BNIP5: variants seen among roughly 807,000 people sequenced by gnomAD.
The protein encoded by BNIP5 is protein BNIP5.
Under a neutral mutation model 67.3 loss-of-function variants are expected in BNIP5, and 61 were observed. The ratio of observed to expected loss-of-function variants is 0.91; its 90% CI spans 0.74 to 1.12. The LOEUF (loss-of-function observed/expected upper bound fraction) is 1.12. Among genes scored for constraint, BNIP5 ranks in the 50% most tolerant of loss-of-function variants. The pLI is 0.00. For missense variants in BNIP5, 826 were observed against 816.3 expected (o/e 1.01, Z -0.14); for synonymous variants, 317 against 319.0 (o/e 0.99, Z 0.07).
intron 5 of BNIP5, among the ~76,000 whole-genome samples, chr6:36,326,104 G>A (rs542657157): frequency 1.5e-4 from 23 of 152,322 alleles, no homozygotes; most frequent in Non-Finnish European, 2.9e-4. Flanking sequence ...CACTTTACAG[G>A]TGAAGAAATT....
chr6:36,324,354 T>C (rs1250621742), intron 6 of BNIP5, among the ~76,000 whole-genome samples, 164 bp from the exon 7 acceptor site: 1 of 151,120 alleles, frequency 6.6e-6, no homozygotes, highest in Admixed American at 6.6e-5. Flanking sequence ...GGGATACATA[T>C]TCACTTTACC....
In BNIP5 at chr6:36,323,640, A is replaced by C. The variant is rs77939165; in HGVS notation, c.1231-107T>G. The C allele has an allele frequency of 5.2e-5, 66 of 1,277,752 alleles. No individual in the cohort carries two copies. In the East Asian group the frequency reaches 1.5e-3, roughly 29 times the overall value. The allele number at this position is 1,277,752 out of a possible 1,614,324, so 79.2% of individuals were successfully genotyped here. A position where few individuals can be genotyped will look rare whatever the true frequency, so the allele number is the denominator to read the frequency against. On this transcript the variant is annotated intron_variant, in intron 7 of 11. Transcript: ENST00000437635. ...TGGGCTAGCAGGCGTTGCCCAGAGA[A>C]GAGTGGTTGATGCTCAGTGCTGGGG...
chr6:36,324,329 C>T, intron 6 of BNIP5, 139 bp from the exon 7 acceptor site: 1 of 734,546 alleles, frequency 1.4e-6, no homozygotes, highest in Admixed American at 2.0e-5. Flanking sequence ...GGCCTGAGGG[C>T]AGAGCTGGTT....
intron 3 of BNIP5, 41 bp downstream of exon 3, chr6:36,328,557 C>G (rs1228830095): frequency 7.9e-7 from 1 of 1,266,092 alleles, no homozygotes; most frequent in African/African-American, 1.5e-5. Context: ...TAACAGCCAC[C>G]TCAGCCACAG....
intron 1 of BNIP5, 81 bp downstream of exon 1, chr6:36,336,627 ACACC>A (rs1243212994): frequency 6.6e-6 from 1 of 152,164 alleles, no homozygotes; most frequent in African/African-American, 2.4e-5. Context: ...TCTTGGTTTG[ACACC>A]CAGGACTAAA....
intron 11 of BNIP5, among the ~76,000 whole-genome samples, chr6:36,318,077 A>G (rs1035124873): frequency 1.3e-5 from 2 of 152,214 alleles, no homozygotes; most frequent in Non-Finnish European, 2.9e-5. Flanking sequence ...GAGCATTTGA[A>G]TGACAAGATA....
chr6:36,325,010 C>T (rs146509823), intron 6 of BNIP5, among the ~76,000 whole-genome samples: 247 of 152,238 alleles, frequency 1.6e-3, no homozygotes, highest in Non-Finnish European at 3.0e-3. Flanking sequence ...CCCCATTGGC[C>T]GAGCCCTTGG....
chr6:36,317,765 G>T (rs1771551919), intron 11 of BNIP5, among the ~76,000 whole-genome samples: 1 of 152,144 alleles, frequency 6.6e-6, no homozygotes, highest in Non-Finnish European at 1.5e-5. Context: ...ACAGCCCTTT[G>T]CACAACTAAG....
chr6:36,328,511 T>G, intron 3 of BNIP5, 87 bp downstream of exon 3: 1 of 815,054 alleles, frequency 1.2e-6, no homozygotes, highest in Non-Finnish European at 2.1e-6. Flanking sequence ...CCATCCAAGG[T>G]CTCAGTAATC....
chr6:36,324,274 G>T, intron 6 of BNIP5, 84 bp from the exon 7 acceptor site: 2 of 1,254,692 alleles, frequency 1.6e-6, no homozygotes, highest in South Asian at 1.2e-5. Context: ...TGCCCCGGTG[G>T]CTCCCTGGGT....
chr6:36,320,572 C>A (rs1185115721), intron 10 of BNIP5, among the ~76,000 whole-genome samples: 1 of 152,222 alleles, frequency 6.6e-6, no homozygotes, highest in African/African-American at 2.4e-5. Flanking sequence ...GCACCCAGAG[C>A]GTCCGCTATG....
intron 1 of BNIP5, among the ~76,000 whole-genome samples, chr6:36,332,302 G>T (rs1280584523): frequency 6.6e-6 from 1 of 151,956 alleles, no homozygotes; most frequent in East Asian, 1.9e-4. Flanking sequence ...TTCCTTTGAG[G>T]CTGTACTTAA....
In BNIP5 at chr6:36,323,474, C is replaced by T. The variant is rs765037885; in HGVS notation, c.1290G>A (p.Arg430=). The part of the protein sequence containing the change: ...GVENPAPHCR[R]KSQEKRSSFR... ...AGCTCGACCTTTTTTCTTGAGATTT[C>T]CTTCTGCAGTGTGGGGCCGGGTTTT... The change falls in exon 8 of 12, where the codon AGG becomes AGA. Residue 430 remains arginine, a synonymous_variant. Coordinates refer to ENST00000437635, the MANE Select transcript of BNIP5 (RefSeq NM_001010903.5). The T allele has an allele frequency of 1.5e-5, 25 of 1,614,218 alleles. No individual in the cohort carries two copies. Among genetic ancestry groups the T allele is most frequent in the Non-Finnish European group, 2.1e-5 (25 of 1,180,042 alleles).
At chr6:36,331,124 G>A (rs1771896724) in intron 1 of BNIP5, among the ~76,000 whole-genome samples, 1 of 152,212 alleles carries the variant, frequency 6.6e-6, no homozygotes, top group African/African-American at 2.4e-5. Flanking sequence ...GTGCTGACCA[G>A]TGGGCCCATT....
At position 36,319,380 on chromosome 6, in the gene BNIP5, C is replaced by A; in HGVS notation, c.1899G>T (p.Gln633His). 1 of 1,614,088 alleles carries A rather than the reference C, an allele frequency of 6.2e-7. No individual in the cohort carries two copies. The highest frequency in any genetic ancestry group is 8.5e-7 in the Non-Finnish European group (1 of 1,180,020). The change falls in exon 11 of 12, where the codon CAG (glutamine) becomes CAT (histidine). Residue 633 changes from glutamine to histidine, a missense_variant. By Grantham distance (24) the Gln-to-His change is conservative (BLOSUM62 0). Transcript: ENST00000437635. ...CCGGCTGGTCCTCCCTGTATGGGAA[C>A]TGGGTGCAATTGTAGTGGTCTCTTA... ...MGLRDHYNCT[Q>H]FPYREDQPNI...
At chr6:36,330,737 T>C in intron 1 of BNIP5, 43 bp from the exon 2 acceptor site, 2 of 1,511,276 alleles carry the variant, frequency 1.3e-6, no homozygotes, top group South Asian at 2.6e-5. Flanking sequence ...TTTGTTTGTT[T>C]GTTTTGATTT....
At chr6:36,331,541 T>C (rs1234379222) in intron 1 of BNIP5, among the ~76,000 whole-genome samples, 1 of 152,132 alleles carries the variant, frequency 6.6e-6, no homozygotes, top group Non-Finnish European at 1.5e-5. Context: ...GGCCCCGTGT[T>C]CTCATCTGAA....
intron 5 of BNIP5, among the ~76,000 whole-genome samples, chr6:36,325,693 C>T (rs1195091806): frequency 2.6e-5 from 4 of 152,190 alleles, no homozygotes; most frequent in Non-Finnish European, 4.4e-5. Context: ...AGAGTAGAGG[C>T]CTGGTCCCAT....
rs1370559498 is a variant in BNIP5, at chr6:36,316,851, C to T, written c.*505G>A. 1 of 400,944 alleles carries T rather than the reference C, an allele frequency of 2.5e-6. No homozygotes were observed. Among genetic ancestry groups the T allele is most frequent in the Non-Finnish European group, 4.4e-6 (1 of 227,706 alleles). The allele number at this position is 400,944 out of a possible 1,614,324, so 24.8% of individuals were successfully genotyped here. On this transcript the variant is annotated 3_prime_UTR_variant, in exon 12 of 12. Transcript: ENST00000437635. ...GAGTTCCTGGGAGGCATCTACAAATCCATATGAGCATGAAGAACTACTGGT... is the reference window on the plus strand; with the variant it reads ...GAGTTCCTGGGAGGCATCTACAAATTCATATGAGCATGAAGAACTACTGGT...
Sources: gnomAD v4.1 joint callset for allele counts (sites outside exome capture counted in the v4.1 genomes callset) on GRCh38, gnomAD v4.1.1 for gene constraint, MANE v1.5 for transcripts, NCBI Gene and HGNC (gene_info 2026-07-23, HGNC 2026-07-21) for gene names.